The following APP variants were observed in gnomAD, a reference collection of about 807,000 sequenced individuals.
The protein encoded by APP is amyloid-beta precursor protein.
APP carries 31 observed loss-of-function variants against 101.4 expected under a neutral mutation model. The ratio of observed to expected loss-of-function variants is 0.31; its 90% CI spans 0.23 to 0.41. The LOEUF (loss-of-function observed/expected upper bound fraction) is 0.41. APP is among the 10% of genes least tolerant of loss of function. The pLI is 1.00. For missense variants in APP, 839 were observed against 1,003.7 expected (o/e 0.84, Z 2.22); for synonymous variants, 366 against 364.4 (o/e 1.00, Z -0.05).
intron 1 of APP, among the ~76,000 whole-genome samples, chr21:26,130,525 CTT>C (rs2062773186): frequency 6.6e-6 from 1 of 152,214 alleles, no homozygotes; most frequent in Non-Finnish European, 1.5e-5. Flanking sequence ...CAACTAATGT[CTT>C]TGAATTTTAG....
chr21:26,170,784 G>A, upstream of APP: 3 of 709,692 alleles, frequency 4.2e-6, no homozygotes, highest in South Asian at 2.3e-5. Context: ...GCCCGAGCGC[G>A]GCGGCGGGGC....
rs57594630 is a variant in APP at position 26,059,890 on chromosome 21, C to CAAAAAAAAAAAAAAAA, written c.356-6558_356-6543dup. On this transcript the variant is annotated intron_variant, in intron 3 of 17. Coordinates refer to ENST00000346798, the MANE Select transcript of APP (RefSeq NM_000484.4). ...TGAGCGAAAGAGCGAGACTCCGTCT[C>CAAAAAAAAAAAAAAAA]AAAAAAAAAAAAAAAAAAAAAAAAA... is the stretch of plus-strand genomic sequence containing the variant. 8.5e-5 allele frequency among the ~76,000 whole-genome samples: 6 copies of CAAAAAAAAAAAAAAAA among 70,660 alleles called. No homozygotes were observed. The East Asian group carries it at 1.7e-3, about 20-fold the overall frequency. The allele number at this position is 70,660 out of a possible 152,430, so 46.4% of individuals were successfully genotyped here.
chr21:26,113,545 T>C (rs1039167473), intron 1 of APP, among the ~76,000 whole-genome samples: 7 of 152,228 alleles, frequency 4.6e-5, no homozygotes, highest in Non-Finnish European at 1.0e-4. Flanking sequence ...GAGCCATGTT[T>C]TCAAGTAACT....
At chr21:25,962,600 A>G (rs1430694446) in intron 11 of APP, among the ~76,000 whole-genome samples, 1 of 152,214 alleles carries the variant, frequency 6.6e-6, no homozygotes, top group Non-Finnish European at 1.5e-5. Context: ...TGATGTATCT[A>G]TATAGTGTGC....
intron 13 of APP, among the ~76,000 whole-genome samples, chr21:25,915,223 C>A (rs1294314142): frequency 6.6e-6 from 1 of 152,228 alleles, no homozygotes; most frequent in African/African-American, 2.4e-5. Context: ...CATACCCATT[C>A]TGACACTTTT....
chr21:25,910,750 T>C (rs2039031330), intron 14 of APP, among the ~76,000 whole-genome samples: 1 of 152,266 alleles, frequency 6.6e-6, no homozygotes, highest in Non-Finnish European at 1.5e-5. Flanking sequence ...TCCTTAATTT[T>C]GGCAGCTGCC....
chr21:26,127,174 G>C (rs187021777), intron 1 of APP, among the ~76,000 whole-genome samples: 4 of 144,858 alleles, frequency 2.8e-5, no homozygotes, highest in African/African-American at 1.1e-4. Context: ...AAGAAATCTT[G>C]AGGGTTAATT....
intron 11 of APP, among the ~76,000 whole-genome samples, chr21:25,958,556 C>CCT (rs1050942044): frequency 2.7e-3 from 1 of 374 alleles, no homozygotes; most frequent in Non-Finnish European, 5.1e-3. Flanking sequence ...GGATTACAGG[C>CCT]GTGCGACCAG....
rs67114400 is a variant in APP at position 25,935,839 on chromosome 21, C to CAAA, written c.1687+18748_1687+18750dup. On this transcript the variant is annotated intron_variant, in intron 13 of 17. Coordinates refer to ENST00000346798, the MANE Select transcript of APP (RefSeq NM_000484.4). ...TGGGCAACAGAGTGAGACTCTGTCT[C>CAAA]AAAAAAAAAAAAAAAAAAAAAACCT... Among the ~76,000 whole-genome samples, 282 of 75,522 alleles carry CAAA rather than the reference C, an allele frequency of 3.7e-3. 5 individuals are homozygous for CAAA. Among genetic ancestry groups the CAAA allele is most frequent in the Middle Eastern group, 9.6e-3 (1 of 104 alleles). The allele number at this position is 75,522 out of a possible 152,430, so 49.5% of individuals were successfully genotyped here.
intron 5 of APP, among the ~76,000 whole-genome samples, chr21:26,041,940 T>C (rs2045389466): frequency 0.023 from 2 of 86 alleles, no homozygotes; most frequent in Admixed American, 0.2. Context: ...GTTCTCCTAT[T>C]TCAGTATAGA....
At chr21:25,952,412 T>C (rs17725562) in intron 13 of APP, among the ~76,000 whole-genome samples, 6 of 151,342 alleles carry the variant, frequency 4.0e-5, no homozygotes, top group Non-Finnish European at 5.9e-5. Context: ...AAAGATTCCA[T>C]GATACTAGTT....
At chr21:26,026,097 C>T (rs908956917) in intron 5 of APP, among the ~76,000 whole-genome samples, 3 of 152,170 alleles carry the variant, frequency 2.0e-5, no homozygotes, top group African/African-American at 7.2e-5. Flanking sequence ...TAAGGAGTTG[C>T]AAGGGAGGAA....
In APP at chr21:26,022,058, C is replaced by T. The variant is rs748344304; in HGVS notation, c.663-16G>A. On this transcript the variant is annotated splice_polypyrimidine_tract_variant and intron_variant, in intron 5 of 17. Coordinates refer to ENST00000346798, the MANE Select transcript of APP (RefSeq NM_000484.4). ...TTTGTCTTCACTGTGAAGGCAAACA[C>T]AAATAACAGAAAAAGTCAATTAAAC... The T allele has an allele frequency of 1.2e-6, 2 of 1,612,262 alleles. No homozygotes were observed. The highest frequency in any genetic ancestry group is 1.7e-6 in the Non-Finnish European group (2 of 1,178,488).
chr21:26,145,612 G>A (rs1045163344), intron 1 of APP, among the ~76,000 whole-genome samples: 4 of 152,028 alleles, frequency 2.6e-5, no homozygotes, highest in Admixed American at 6.5e-5. Flanking sequence ...AAGTATCTGC[G>A]TACAGTTAAA....
chr21:26,014,056 A>C (rs927136114), intron 6 of APP, among the ~76,000 whole-genome samples: 1 of 152,188 alleles, frequency 6.6e-6, no homozygotes, highest in African/African-American at 2.4e-5. Context: ...CCATCTTCAA[A>C]ACACAAAGGT....
rs193209332 is a variant in APP at position 26,045,231 on chromosome 21, T to C, written c.662+5769A>G. Among the ~76,000 whole-genome samples the C allele has an allele frequency of 8.8e-4, 133 of 151,912 alleles. 1 individual carries two copies. The highest frequency in any genetic ancestry group is 3.2e-3 in the African/African-American group (132 of 41,188). Reference sequence around the variant, plus strand: ...TCAATAAAATTATGAGCTGTCAATGTTTTAAATATCTTAAATTTTTACAAT... The same window carrying C: ...TCAATAAAATTATGAGCTGTCAATGCTTTAAATATCTTAAATTTTTACAAT... On this transcript the variant is annotated intron_variant, in intron 5 of 17. Transcript: ENST00000346798.
At chr21:26,110,114 T>C (rs895612832) in intron 2 of APP, among the ~76,000 whole-genome samples, 1 of 152,204 alleles carries the variant, frequency 6.6e-6, no homozygotes, top group East Asian at 1.9e-4. Context: ...TATCAATCCA[T>C]ACTTAGTAAA....
chr21:26,124,207 TA>T (rs1045453679), intron 1 of APP, among the ~76,000 whole-genome samples: 1 of 152,136 alleles, frequency 6.6e-6, no homozygotes, highest in Non-Finnish European at 1.5e-5. Flanking sequence ...CAATACAAAA[TA>T]AATTCCACTT....
chr21:25,929,510 G>C (rs892156654), intron 13 of APP, among the ~76,000 whole-genome samples: 31 of 152,104 alleles, frequency 2.0e-4, no homozygotes, highest in African/African-American at 7.2e-4. Context: ...GCAATGGAGA[G>C]TCTTTGGAAT....
Sources: gnomAD v4.1 joint callset for allele counts (sites outside exome capture counted in the v4.1 genomes callset) on GRCh38, gnomAD v4.1.1 for gene constraint, MANE v1.5 for transcripts, NCBI Gene and HGNC (gene_info 2026-07-23, HGNC 2026-07-21) for gene names.